EPS8: variants seen among roughly 807,000 people sequenced by gnomAD.
EPS8 encodes EGFR pathway substrate 8, signaling adaptor, also known as epidermal growth factor receptor kinase substrate 8.
EPS8 carries 42 observed loss-of-function variants against 103.8 expected under a neutral mutation model. The observed-to-expected ratio is 0.40, with a 90% CI of 0.32 to 0.52. The LOEUF (loss-of-function observed/expected upper bound fraction) is 0.52. EPS8 is among the 20% of genes least tolerant of loss of function. The pLI is 0.40. For missense variants in EPS8, 969 were observed against 1,005.1 expected, an observed-to-expected ratio of 0.96 and a Z score of 0.49; for synonymous variants, 344 against 344.6, an observed-to-expected ratio of 1.00 and a Z score of 0.02.
At chr12:15,666,550 G>C (rs774387628) in intron 6 of EPS8, 28 bp from the exon 7 acceptor site, 1 of 1,556,432 alleles carries the variant, frequency 6.4e-7, no homozygotes, top group Non-Finnish European at 8.9e-7. Flanking sequence ...TTACCTGAAA[G>C]TTTATGGATT....
intron 1 of EPS8, among the ~76,000 whole-genome samples, chr12:15,703,690 G>A (rs1339779042): frequency 1.3e-5 from 2 of 151,084 alleles, no homozygotes; most frequent in Non-Finnish European, 2.9e-5. Flanking sequence ...TATTACTAAT[G>A]TTTAAGAAAA....
At chr12:15,754,422 A>G (rs972918830) in intron 1 of EPS8, among the ~76,000 whole-genome samples, 3 of 152,114 alleles carry the variant, frequency 2.0e-5, no homozygotes, top group East Asian at 3.9e-4. Flanking sequence ...TTTGAAATAC[A>G]GGGGGAAAAA....
intron 1 of EPS8, among the ~76,000 whole-genome samples, chr12:15,723,553 T>C (rs148403837): frequency 1.3e-5 from 2 of 151,968 alleles, no homozygotes; most frequent in Admixed American, 6.5e-5. Flanking sequence ...GACCAAAATA[T>C]ACATACATCT....
At chr12:15,720,304 T>C (rs564912102) in intron 1 of EPS8, among the ~76,000 whole-genome samples, 47 of 152,304 alleles carry the variant, frequency 3.1e-4, no homozygotes, top group African/African-American at 1.1e-3. Context: ...TGGGATCAGA[T>C]GAGGTAACAT....
rs143577825 is a variant in EPS8, at chr12:15,759,216, C to CA, written c.-22+29944dup. On this transcript the variant is annotated intron_variant, in intron 1 of 20. Coordinates refer to ENST00000281172, the MANE Select transcript of EPS8 (RefSeq NM_004447.6). The surrounding 1 kb of genome is among the most constrained non-coding windows in gnomAD (Gnocchi z 4.9). ...GTGCTATAATACACTAAAAATGCCT[C>CA]AAAAAACATGTTTTGATTAACTGAC... Among the ~76,000 whole-genome samples the CA allele has an allele frequency of 1.1e-3, 171 of 152,016 alleles. 2 individuals carry two copies. The East Asian group carries it at 0.031, about 27-fold the overall frequency.
rs766541964 is a variant in EPS8, at chr12:15,762,143, CAAAG to C, written c.-22+27014_-22+27017del. Among the ~76,000 whole-genome samples the C allele has an allele frequency of 2.6e-5, 4 of 152,114 alleles. No individual in the cohort carries two copies. The highest frequency in any genetic ancestry group is 6.6e-5 in the Admixed American group (1 of 15,266). On this transcript the variant is annotated intron_variant, in intron 1 of 20. Coordinates refer to ENST00000281172, the MANE Select transcript of EPS8 (RefSeq NM_004447.6). This position sits in a 1 kb window ranked among gnomAD's most constrained non-coding sequence, Gnocchi z 4.8. ...GCAAAATATTTGAATAGAAATTTCT[CAAAG>C]GAAGACATACAAATGGCAAACAGGC...
Position 15,693,012 on chromosome 12 carries a change from T to G in EPS8, c.-21-10040A>C, listed in dbSNP as rs1317105586. On this transcript the variant is annotated intron_variant, in intron 1 of 20. Transcript: ENST00000281172. The surrounding 1 kb of genome is among the most constrained non-coding windows in gnomAD (Gnocchi z 5.6). ...CGCTAGGTTTGTTTTGGCTTCTGAA[T>G]TGCTTTAAATATCAGGTGATTACTG... Among the ~76,000 whole-genome samples, 1 of 152,192 alleles carries G rather than the reference T, an allele frequency of 6.6e-6. No homozygotes were observed. The highest frequency in any genetic ancestry group is 2.4e-5 in the African/African-American group (1 of 41,458).
rs1274265493 is a variant in EPS8, at chr12:15,761,308, T to C, written c.-22+27853A>G. 6.6e-6 allele frequency among the ~76,000 whole-genome samples: 1 copy of C among 152,042 alleles called. No individual in the cohort carries two copies. The highest frequency in any genetic ancestry group is 2.4e-5 in the African/African-American group (1 of 41,400). On this transcript the variant is annotated intron_variant, in intron 1 of 20. Coordinates refer to ENST00000281172, the MANE Select transcript of EPS8 (RefSeq NM_004447.6). This position sits in a 1 kb window ranked among gnomAD's most constrained non-coding sequence, Gnocchi z 4.5. Reference sequence around the variant, plus strand: ...AGAGGACACCAAAAAATGGAAAATATTCTATGTTCATGGATTGAAAGAATC... The same window carrying C: ...AGAGGACACCAAAAAATGGAAAATACTCTATGTTCATGGATTGAAAGAATC...
chr12:15,720,179 A>G (rs185856944), intron 1 of EPS8, among the ~76,000 whole-genome samples: 3 of 152,332 alleles, frequency 2.0e-5, no homozygotes, highest in Admixed American at 6.5e-5. Context: ...CAAATAATAT[A>G]TGAAAAGAGT....
rs921065028 is a variant in EPS8, at chr12:15,702,171, G to A, written c.-21-19199C>T. Among the ~76,000 whole-genome samples the A allele has an allele frequency of 2.6e-5, 4 of 152,184 alleles. No individual in the cohort carries two copies. Among genetic ancestry groups the A allele is most frequent in the Admixed American group, 6.5e-5 (1 of 15,282 alleles). On this transcript the variant is annotated intron_variant, in intron 1 of 20. Coordinates refer to ENST00000281172, the MANE Select transcript of EPS8 (RefSeq NM_004447.6). This position sits in a 1 kb window ranked among gnomAD's most constrained non-coding sequence, Gnocchi z 5.1. ...ATTCCAAAAGGGCAAAGTGCTTAGA[G>A]CAGCAGCCTAAGGAAACAGAATATA...
At chr12:15,689,937 G>A (rs1345088137) in intron 1 of EPS8, among the ~76,000 whole-genome samples, 3 of 152,110 alleles carry the variant, frequency 2.0e-5, no homozygotes, top group Admixed American at 6.6e-5. Context: ...AGACTGAAAC[G>A]CCTGAATTCA....
At chr12:15,640,898 C>T (rs368368144) in intron 16 of EPS8, 52 bp from the exon 17 acceptor site, 22 of 1,565,704 alleles carry the variant, frequency 1.4e-5, no homozygotes, top group African/African-American at 4.1e-5. Flanking sequence ...AGCCATTCTA[C>T]GAAAGAAGTT....
Position 15,777,826 on chromosome 12 carries a change from T to C in EPS8, c.-22+11335A>G, listed in dbSNP as rs1788916488. Among the ~76,000 whole-genome samples, 1 of 152,182 alleles carries C rather than the reference T, an allele frequency of 6.6e-6. No homozygotes were observed. Among genetic ancestry groups the C allele is most frequent in the Admixed American group, 6.5e-5 (1 of 15,278 alleles). ...AAAGCCCACATGGTTATTTATCTGC[T>C]TCAAGAGTTGTAAAAGACTATTTTC... On this transcript the variant is annotated intron_variant, in intron 1 of 20. Coordinates refer to ENST00000281172, the MANE Select transcript of EPS8 (RefSeq NM_004447.6). This position sits in a 1 kb window ranked among gnomAD's most constrained non-coding sequence, Gnocchi z 4.7.
At chr12:15,729,162 C>T (rs1189119944) in intron 1 of EPS8, among the ~76,000 whole-genome samples, 1 of 152,108 alleles carries the variant, frequency 6.6e-6, no homozygotes, top group Non-Finnish European at 1.5e-5. Flanking sequence ...ACCCCCCGAC[C>T]TGTCAAAATC....
chr12:15,645,410 C>T lies in EPS8; in HGVS notation c.1568+1717G>A, dbSNP rs531276565. Among the ~76,000 whole-genome samples, 18 of 23,838 alleles carry T rather than the reference C, an allele frequency of 7.6e-4. No homozygotes were observed. The South Asian group carries it at 0.011, about 15-fold the overall frequency. 15.6% of individuals were successfully genotyped at this position (23,838 alleles called of 152,430 possible). ...TCAACTTTTATATTTTATAAAAATT[C>T]TCATCTTCCCTCTTAACTTCTTAAT... is the stretch of plus-strand genomic sequence containing the variant. On this transcript the variant is annotated intron_variant, in intron 15 of 20. Transcript: ENST00000281172.
rs1946489763 is a variant in EPS8 at position 15,713,147 on chromosome 12, G to A, written c.-21-30175C>T. 1 of 227,206 alleles carries A rather than the reference G, an allele frequency of 4.4e-6. No homozygotes were observed. Among genetic ancestry groups the A allele is most frequent in the African/African-American group, 2.3e-5 (1 of 42,626 alleles). 14.1% of individuals were successfully genotyped at this position (227,206 alleles called of 1,614,324 possible). ...GTTTTAAATGGTGAAAATAATACTG[G>A]CTAGCATTGACTGAAAGCTTACTGT... On this transcript the variant is annotated intron_variant, in intron 1 of 20. Transcript: ENST00000281172. This position sits in a 1 kb window ranked among gnomAD's most constrained non-coding sequence, Gnocchi z 4.8.
rs1377515219 is a variant in EPS8, at chr12:15,713,037, A to G, written c.-21-30065T>C. On this transcript the variant is annotated intron_variant, in intron 1 of 20. Coordinates refer to ENST00000281172, the MANE Select transcript of EPS8 (RefSeq NM_004447.6). This position sits in a 1 kb window ranked among gnomAD's most constrained non-coding sequence, Gnocchi z 4.8. ...TCTGATTTGGTTTCTCTAGGGCGTTAACTAAGATTTCCTCCTCTTGTTAAG... is the reference window on the plus strand; with the variant it reads ...TCTGATTTGGTTTCTCTAGGGCGTTGACTAAGATTTCCTCCTCTTGTTAAG... 52 of 978,702 alleles carry G rather than the reference A, an allele frequency of 5.3e-5. No individual in the cohort carries two copies. The highest frequency in any genetic ancestry group is 3.6e-6 in the Non-Finnish European group (3 of 823,932). The allele number at this position is 978,702 out of a possible 1,614,324, so 60.6% of individuals were successfully genotyped here. A position where few individuals can be genotyped will look rare whatever the true frequency, so the allele number is the denominator to read the frequency against.
intron 1 of EPS8, among the ~76,000 whole-genome samples, chr12:15,753,420 C>T (rs1946953867): frequency 1.3e-5 from 2 of 152,130 alleles, no homozygotes; most frequent in South Asian, 4.1e-4. Context: ...GCTCCTACTA[C>T]AGTTGAGACT....
chr12:15,777,510 C>T lies in EPS8; in HGVS notation c.-22+11651G>A, dbSNP rs1042320420. Among the ~76,000 whole-genome samples the T allele has an allele frequency of 2.0e-4, 31 of 152,064 alleles. No individual in the cohort carries two copies. Among genetic ancestry groups the T allele is most frequent in the Admixed American group, 3.9e-4 (6 of 15,248 alleles). On this transcript the variant is annotated intron_variant, in intron 1 of 20. Transcript: ENST00000281172. The surrounding 1 kb of genome is among the most constrained non-coding windows in gnomAD (Gnocchi z 4.7). Reference sequence around the variant, plus strand: ...ACTTAGTACCCAAATAAGGTAAAGGCGATGAAGGCTTCAATCCCTCCTTTG... The same window carrying T: ...ACTTAGTACCCAAATAAGGTAAAGGTGATGAAGGCTTCAATCCCTCCTTTG...
Sources: allele counts gnomAD v4.1 joint callset (sites outside exome capture counted in the v4.1 genomes callset), GRCh38; gene constraint gnomAD v4.1.1; non-coding constraint Gnocchi (gnomAD v3.1); transcripts MANE v1.5; gene names NCBI Gene and HGNC (gene_info 2026-07-23, HGNC 2026-07-21).